CPA6: variants seen among roughly 807,000 people sequenced by gnomAD.
The protein encoded by CPA6 is carboxypeptidase B.
CPA6 carries 58 observed loss-of-function variants against 63.3 expected under a neutral mutation model. The observed-to-expected ratio is 0.92, with a 90% CI of 0.74 to 1.14. The LOEUF (loss-of-function observed/expected upper bound fraction) is 1.14, where lower values mean the gene tolerates loss of function less well. Ranked by LOEUF, CPA6 falls within the 50% of genes most tolerant of loss-of-function variation. CPA6 has a pLI of 0.00. For synonymous variants in CPA6, 185 were observed against 179.0 expected (o/e 1.03, Z -0.27); for missense variants, 565 against 526.6 (o/e 1.07, Z -0.71).
rs192970835 is a variant in CPA6 at position 67,638,807 on chromosome 8, T to G, written c.117-14556A>C. Among the ~76,000 whole-genome samples the G allele has an allele frequency of 6.6e-5, 10 of 151,632 alleles. No individual in the cohort carries two copies. In the East Asian group the frequency reaches 1.9e-3, roughly 29 times the overall value. On this transcript the variant is annotated intron_variant, in intron 1 of 10. Transcript: ENST00000297770. ...AATCTCCCTCTGTCCTCAGTTTCTT[T>G]CATTTCCTTGCAGATGTTGTTTGTG...
In CPA6 at chr8:67,484,742, A is replaced by G; in HGVS notation, c.684T>C (p.Asn228=). The change falls in exon 7 of 11, where the codon AAT becomes AAC. Residue 228 remains asparagine, a synonymous_variant. Transcript: ENST00000297770. ...CAGGCATGATATAGAAATATAGATG[A>G]TTCAACATTTTTCTCATGGCTGGGT... ...KSDPAMRKML[N]HLYFYIMPVF... The G allele has an allele frequency of 6.2e-7, 1 of 1,611,232 alleles. No homozygotes were observed.
Position 67,595,602 on chromosome 8 carries a change from C to T in CPA6, c.192+28574G>A, listed in dbSNP as rs542514328. On this transcript the variant is annotated intron_variant, in intron 2 of 10. Transcript: ENST00000297770. ...CTGGGCAATGGCGGGCGCCCCTCCCCCAGCCTTGCTGCCACCTTGCAGTTT... is the reference window on the plus strand; with the variant it reads ...CTGGGCAATGGCGGGCGCCCCTCCCTCAGCCTTGCTGCCACCTTGCAGTTT... Among the ~76,000 whole-genome samples the T allele has an allele frequency of 4.8e-3, 737 of 152,356 alleles. 3 individuals are homozygous for T. The highest frequency in any genetic ancestry group is 8.3e-3 in the Non-Finnish European group (564 of 68,036).
intron 2 of CPA6, among the ~76,000 whole-genome samples, chr8:67,616,904 T>C (rs966206635): frequency 1.3e-5 from 2 of 152,162 alleles, no homozygotes; most frequent in African/African-American, 4.8e-5. Context: ...TGACAGGTGA[T>C]GGCAGGTACA....
chr8:67,559,813 C>G (rs1303404960), intron 2 of CPA6, among the ~76,000 whole-genome samples: 2 of 151,138 alleles, frequency 1.3e-5, no homozygotes, highest in Non-Finnish European at 2.9e-5. Flanking sequence ...AAACAGGATT[C>G]TATACAATGG....
intron 2 of CPA6, among the ~76,000 whole-genome samples, chr8:67,547,730 T>C (rs1009276752): frequency 6.6e-6 from 1 of 151,920 alleles, no homozygotes; most frequent in Non-Finnish European, 1.5e-5. Context: ...CCTGGGCTCA[T>C]GCAATCCTCC....
intron 8 of CPA6, among the ~76,000 whole-genome samples, chr8:67,478,266 G>A (rs1431879523): frequency 2.6e-5 from 4 of 152,216 alleles, no homozygotes; most frequent in African/African-American, 9.6e-5. Flanking sequence ...AGGGCACGGA[G>A]CTTTCATGCC....
At chr8:67,634,359 C>T (rs1815420688) in intron 1 of CPA6, among the ~76,000 whole-genome samples, 1 of 150,822 alleles carries the variant, frequency 6.6e-6, no homozygotes, top group African/African-American at 2.5e-5. Context: ...GCTGGGACTA[C>T]AGGCGCCCGC....
intron 1 of CPA6, among the ~76,000 whole-genome samples, chr8:67,739,182 C>T (rs1043203495): frequency 1.3e-5 from 2 of 152,174 alleles, no homozygotes; most frequent in Non-Finnish European, 2.9e-5. Flanking sequence ...TGCTGACCCC[C>T]ATACAGTCTG....
chr8:67,433,974 A>C (rs776628152), intron 9 of CPA6, 64 bp downstream of exon 9: 41 of 1,138,384 alleles, frequency 3.6e-5, no homozygotes, highest in Middle Eastern at 2.8e-4. Flanking sequence ...TAGTACTTAG[A>C]ACCATCTTAG....
chr8:67,679,314 C>T (rs1279125067), intron 1 of CPA6, among the ~76,000 whole-genome samples: 4 of 152,158 alleles, frequency 2.6e-5, no homozygotes, highest in Non-Finnish European at 5.9e-5. Flanking sequence ...TGGTGTTACC[C>T]GGGTTTTTGA....
chr8:67,498,890 GT>G (rs2128963451), intron 6 of CPA6, among the ~76,000 whole-genome samples: 1 of 152,292 alleles, frequency 6.6e-6, no homozygotes, highest in South Asian at 2.1e-4. Flanking sequence ...AAACAGAAAG[GT>G]GATGGCTCTA....
At chr8:67,427,906 CCTT>C (rs1224355833) in intron 10 of CPA6, 138 bp downstream of exon 10, 157 of 597,804 alleles carry the variant, frequency 2.6e-4, no homozygotes, top group African/African-American at 4.7e-4. Flanking sequence ...GATATAAACT[CCTT>C]CTATTTTCCT....
At chr8:67,545,034 T>C (rs1812785606) in intron 2 of CPA6, among the ~76,000 whole-genome samples, 1 of 152,214 alleles carries the variant, frequency 6.6e-6, no homozygotes, top group Non-Finnish European at 1.5e-5. Flanking sequence ...AATTCCATTT[T>C]ATATTTTTAG....
rs184509998 is a variant in CPA6 at position 67,483,060 on chromosome 8, C to T, written c.838+708G>A. ...GGAAGGATTTCCATTACACAAGGGT[C>T]TATATTTTGAGGGACCTACAGAAAG... On this transcript the variant is annotated intron_variant, in intron 8 of 10. Transcript: ENST00000297770. 1.2e-4 allele frequency among the ~76,000 whole-genome samples: 19 copies of T among 152,216 alleles called. No individual in the cohort carries two copies. The East Asian group carries it at 3.7e-3, about 29-fold the overall frequency.
intron 6 of CPA6, among the ~76,000 whole-genome samples, chr8:67,500,026 T>A (rs1447738305): frequency 6.6e-6 from 1 of 152,172 alleles, no homozygotes; most frequent in African/African-American, 2.4e-5. Context: ...GTGCAATTAC[T>A]GGGTCATACA....
At chr8:67,605,301 T>C (rs767249398) in intron 2 of CPA6, among the ~76,000 whole-genome samples, 9 of 152,090 alleles carry the variant, frequency 5.9e-5, no homozygotes, top group African/African-American at 9.7e-5. Context: ...ATAAACTACA[T>C]TCATCCCTTG....
At chr8:67,640,318 G>A (rs536413980) in intron 1 of CPA6, among the ~76,000 whole-genome samples, 4 of 151,348 alleles carry the variant, frequency 2.6e-5, no homozygotes, top group Non-Finnish European at 4.4e-5. Flanking sequence ...CCAGCATCGA[G>A]CTGCCTTCAG....
chr8:67,436,994 G>A (rs1260848811), intron 8 of CPA6, among the ~76,000 whole-genome samples: 2 of 152,188 alleles, frequency 1.3e-5, no homozygotes, highest in African/African-American at 4.8e-5. Flanking sequence ...GGGAAGTCAA[G>A]AGTCGAGTGG....
At chr8:67,714,660 G>A (rs1306144868) in intron 1 of CPA6, among the ~76,000 whole-genome samples, 1 of 152,198 alleles carries the variant, frequency 6.6e-6, no homozygotes, top group Non-Finnish European at 1.5e-5. Context: ...GGGCGACAGA[G>A]TAAGTAAAGT....
Sources: gnomAD v4.1 joint callset for allele counts (sites outside exome capture counted in the v4.1 genomes callset) on GRCh38, gnomAD v4.1.1 for gene constraint, MANE v1.5 for transcripts, NCBI Gene and HGNC (gene_info 2026-07-23, HGNC 2026-07-21) for gene names.